CTNNA2: variants seen among roughly 807,000 people sequenced by gnomAD.
CTNNA2 encodes the protein catenin alpha-2.
In CTNNA2, 42 loss-of-function variants were observed where a neutral mutation model predicts 101.0. That is an observed-to-expected ratio of 0.42 (90% CI 0.32 to 0.54). The LOEUF (loss-of-function observed/expected upper bound fraction) is 0.54, where lower values mean the gene tolerates loss of function less well. Among genes scored for constraint, CTNNA2 ranks in the 20% least tolerant of loss-of-function variants. The pLI, the probability that CTNNA2 is intolerant of heterozygous loss-of-function variation, is 0.14. For synonymous variants in CTNNA2, 450 were observed against 456.4 expected (o/e 0.99, Z 0.18); for missense variants, 871 against 1,223.1 (o/e 0.71, Z 4.29).
intron 3 of CTNNA2, among the ~76,000 whole-genome samples, chr2:79,749,303 T>C (rs993048187): frequency 2.6e-5 from 4 of 152,158 alleles, no homozygotes; most frequent in African/African-American, 9.7e-5. Context: ...AAGTTTTTGC[T>C]CTCAGGTGTG....
intron 2 of CTNNA2, among the ~76,000 whole-genome samples, chr2:79,259,153 A>C (rs1040979697): frequency 4.6e-4 from 70 of 152,212 alleles, no homozygotes; most frequent in African/African-American, 1.5e-3. Context: ...TTTATCGGCT[A>C]TTTGTACTTG....
rs1692681237 is a variant in CTNNA2, at chr2:80,552,708, A to G, written c.1541-2985A>G. Among the ~76,000 whole-genome samples, 11 of 152,300 alleles carry G rather than the reference A, an allele frequency of 7.2e-5. No individual in the cohort carries two copies. The South Asian group carries it at 1.9e-3, about 26-fold the overall frequency. On this transcript the variant is annotated intron_variant, in intron 11 of 18. Transcript: ENST00000402739. ...TGGTATAACCTATTACTCTTAGGCT[A>G]CAAACTTGTACAGCACGTTACTGTA... is the stretch of plus-strand genomic sequence containing the variant.
At chr2:80,355,879 A>T (rs1048291502) in intron 7 of CTNNA2, among the ~76,000 whole-genome samples, 3 of 152,156 alleles carry the variant, frequency 2.0e-5, no homozygotes, top group Non-Finnish European at 4.4e-5. Context: ...ACCCCAAAAA[A>T]GTATTCACCT....
At chr2:79,254,289 C>T (rs1340430705) in intron 2 of CTNNA2, among the ~76,000 whole-genome samples, 1 of 152,178 alleles carries the variant, frequency 6.6e-6, no homozygotes, top group Non-Finnish European at 1.5e-5. Context: ...CTGTGTCCCT[C>T]CCAAATCTCA....
Position 79,978,756 on chromosome 2 carries a change from G to C in CTNNA2, c.1056+68959G>C, listed in dbSNP as rs189835173. On this transcript the variant is annotated intron_variant, in intron 7 of 18. Coordinates refer to ENST00000402739, the MANE Select transcript of CTNNA2 (RefSeq NM_001282597.3). ...TCTAGGCTTTTCCTAGAGCAAAATA[G>C]TATTAATTCTGGGGTCACTAATTCT... Among the ~76,000 whole-genome samples the C allele has an allele frequency of 2.0e-5, 3 of 152,240 alleles. No individual in the cohort carries two copies. The East Asian group carries it at 5.8e-4, about 29-fold the overall frequency.
intron 2 of CTNNA2, among the ~76,000 whole-genome samples, chr2:79,685,087 G>A (rs1286912492): frequency 2.0e-5 from 3 of 151,976 alleles, no homozygotes; most frequent in Admixed American, 2.0e-4. Flanking sequence ...TAGATTTCCT[G>A]ATATTAAATA....
intron 7 of CTNNA2, among the ~76,000 whole-genome samples, chr2:79,953,569 T>C (rs1323846546): frequency 2.0e-5 from 3 of 152,218 alleles, no homozygotes; most frequent in African/African-American, 7.2e-5. Context: ...AGCACTTTTC[T>C]AAGTCCACTG....
chr2:80,567,716 T>C (rs762991303), intron 12 of CTNNA2, among the ~76,000 whole-genome samples: 1 of 152,116 alleles, frequency 6.6e-6, no homozygotes. Flanking sequence ...CTCCAATTAC[T>C]CTGATTTTTC....
intron 3 of CTNNA2, among the ~76,000 whole-genome samples, chr2:79,784,152 C>T (rs181790785): frequency 5.3e-5 from 8 of 152,300 alleles, no homozygotes; most frequent in Non-Finnish European, 1.0e-4. Context: ...TCCTCAAACT[C>T]TACTTCCAGT....
chr2:80,118,869 A>G (rs1701674308), intron 7 of CTNNA2, among the ~76,000 whole-genome samples: 1 of 152,210 alleles, frequency 6.6e-6, no homozygotes, highest in Non-Finnish European at 1.5e-5. Flanking sequence ...TGCACTGGGA[A>G]GACATCTCTA....
intron 2 of CTNNA2, chr2:79,281,428 C>T (rs1399436373): frequency 1.3e-5 from 2 of 152,164 alleles, no homozygotes; most frequent in Non-Finnish European, 2.9e-5. Context: ...GACCTATATA[C>T]TCAAAACAAA....
At chr2:79,212,419 A>G (rs1674187979) in intron 2 of CTNNA2, among the ~76,000 whole-genome samples, 3 of 152,202 alleles carry the variant, frequency 2.0e-5, no homozygotes, top group South Asian at 4.1e-4. Flanking sequence ...TTCTGAGGAC[A>G]GGCCTGAATT....
chr2:79,433,624 GAAAAAA>G (rs200656588), intron 4 of CTNNA2, among the ~76,000 whole-genome samples: 4 of 95,708 alleles, frequency 4.2e-5, no homozygotes, highest in African/African-American at 4.2e-5. Flanking sequence ...TGCCTTTGAG[GAAAAAA>G]AAAAAAAAAA....
intron 3 of CTNNA2, among the ~76,000 whole-genome samples, chr2:79,810,342 A>G (rs930256106): frequency 1.3e-4 from 20 of 152,240 alleles, no homozygotes; most frequent in African/African-American, 4.8e-4. Flanking sequence ...CCATAAAACC[A>G]TTAGATCTCG....
At chr2:80,603,925 G>A in intron 15 of CTNNA2, 149 bp from the exon 16 acceptor site, 1 of 565,306 alleles carries the variant, frequency 1.8e-6, no homozygotes. Context: ...TATAGAAACT[G>A]GAGTTAAGCA....
chr2:80,096,272 G>A (rs574587589), intron 7 of CTNNA2, among the ~76,000 whole-genome samples: 25 of 152,246 alleles, frequency 1.6e-4, no homozygotes, highest in South Asian at 6.2e-4. Flanking sequence ...CTCAGTAGTC[G>A]TTCAGGAGCA....
intron 16 of CTNNA2, among the ~76,000 whole-genome samples, chr2:80,606,410 A>ACCCC (rs761596902): frequency 9.9e-5 from 6 of 60,334 alleles, no homozygotes; most frequent in Non-Finnish European, 2.4e-4. Flanking sequence ...ACACACACAC[A>ACCCC]CACCCCCCAG....
Position 79,431,063 on chromosome 2 carries a change from A to G in CTNNA2, c.-135+57050A>G, listed in dbSNP as rs761200631. Among the ~76,000 whole-genome samples, 12 of 152,250 alleles carry G rather than the reference A, an allele frequency of 7.9e-5. No individual in the cohort carries two copies. In the South Asian group the frequency reaches 1.7e-3, roughly 21 times the overall value. ...ACTAATGACCAACTTGTCCCCATAC[A>G]GGAAACTAGAATTGTGAGGAGAATC... On this transcript the variant is annotated intron_variant, in intron 4 of 21. Transcript: ENST00000466387.
rs181568631 is a variant in CTNNA2 at position 79,971,413 on chromosome 2, C to T, written c.1056+61616C>T. Among the ~76,000 whole-genome samples the T allele has an allele frequency of 9.9e-5, 15 of 152,060 alleles. 1 individual carries two copies. The highest frequency in any genetic ancestry group is 4.4e-5 in the Non-Finnish European group (3 of 67,972). On this transcript the variant is annotated intron_variant, in intron 7 of 18. Coordinates refer to ENST00000402739, the MANE Select transcript of CTNNA2 (RefSeq NM_001282597.3). ...GAATTAATGGTGTTTTTCTCTGAGG[C>T]GGGTCTTTATCTCCACAGTGCCTCG... is the stretch of plus-strand genomic sequence containing the variant.
Sources: allele counts gnomAD v4.1 joint callset (sites outside exome capture counted in the v4.1 genomes callset), GRCh38; gene constraint gnomAD v4.1.1; transcripts MANE v1.5; gene names NCBI Gene and HGNC (gene_info 2026-07-23, HGNC 2026-07-21).